The following SLC1A2 variants were observed in gnomAD, a reference collection of about 807,000 sequenced individuals.
SLC1A2 encodes the protein excitatory amino acid transporter 2.
Under a neutral mutation model 48.8 loss-of-function variants are expected in SLC1A2, and 15 were observed. That is an observed-to-expected ratio of 0.31 (90% confidence interval 0.21 to 0.47). The LOEUF is 0.47. SLC1A2 is among the 20% of genes least tolerant of loss of function. The pLI, the probability that SLC1A2 is intolerant of heterozygous loss-of-function variation, is 0.99. For missense variants in SLC1A2, 502 were observed against 730.5 expected, an observed-to-expected ratio of 0.69 and a Z score of 3.61; for synonymous variants, 279 against 272.6, an observed-to-expected ratio of 1.02 and a Z score of -0.23.
intron 6 of SLC1A2, among the ~76,000 whole-genome samples, chr11:35,294,713 G>C (rs1449855193): frequency 2.0e-5 from 3 of 152,124 alleles, no homozygotes; most frequent in South Asian, 2.1e-4. Context: ...TGCTTTCAAG[G>C]CTCTTTGCCA....
Position 35,260,707 on chromosome 11 carries a change from T to C in SLC1A2, c.*187A>G. ...AATTAGACGGTTATAAAGCATTATTTGGCAAAGACACAGCACCGTGCCTGT... is the reference window on the plus strand; with the variant it reads ...AATTAGACGGTTATAAAGCATTATTCGGCAAAGACACAGCACCGTGCCTGT... On this transcript the variant is annotated 3_prime_UTR_variant, in exon 11 of 11. Coordinates refer to ENST00000278379, the MANE Select transcript of SLC1A2 (RefSeq NM_004171.4). 1.7e-6 allele frequency: 1 copy of C among 573,918 alleles called. No homozygotes were observed. The highest frequency in any genetic ancestry group is 3.1e-6 in the Non-Finnish European group (1 of 322,854). 35.6% of individuals were successfully genotyped at this position (573,918 alleles called of 1,614,324 possible).
intron 6 of SLC1A2, among the ~76,000 whole-genome samples, chr11:35,300,072 T>G (rs1326279343): frequency 6.6e-6 from 1 of 152,160 alleles, no homozygotes. Context: ...GCTTCCACAA[T>G]GAGAGAATAG....
upstream of SLC1A2, chr11:35,419,985 G>A: frequency 2.1e-6 from 1 of 467,652 alleles, no homozygotes; most frequent in South Asian, 1.6e-5. The surrounding 1 kb of genome is among the most constrained non-coding windows in gnomAD (Gnocchi z 5.4). Flanking sequence ...TCGAGCGGCT[G>A]AAACACGCGG....
intron 1 of SLC1A2, among the ~76,000 whole-genome samples, chr11:35,336,682 A>G (rs988256515): frequency 1.3e-5 from 2 of 152,204 alleles, no homozygotes; most frequent in Non-Finnish European, 2.9e-5. Context: ...CTAAACCTAC[A>G]TTGGCCCAAA....
chr11:35,314,934 C>A, intron 3 of SLC1A2, 89 bp downstream of exon 3: 1 of 907,626 alleles, frequency 1.1e-6, no homozygotes, highest in Admixed American at 1.9e-5. Context: ...CGATCACATT[C>A]ACTCAACCAA....
chr11:35,381,914 G>C (rs1010442092), intron 1 of SLC1A2, among the ~76,000 whole-genome samples: 2 of 152,166 alleles, frequency 1.3e-5, no homozygotes, highest in Non-Finnish European at 2.9e-5. Flanking sequence ...CTTCCACTGA[G>C]TGAAGTGACA....
rs926884492 is a variant in SLC1A2, at chr11:35,254,890, A to G, written c.*6004T>C. ...GTTGGAAAGTGAAGCAAGGCTGGACATAGAAAAAAACTGATCAGTAGTTAT... is the reference window on the plus strand; with the variant it reads ...GTTGGAAAGTGAAGCAAGGCTGGACGTAGAAAAAAACTGATCAGTAGTTAT... On this transcript the variant is annotated 3_prime_UTR_variant, in exon 11 of 11. Transcript: ENST00000278379. The G allele has an allele frequency of 1.2e-5, 5 of 434,436 alleles. No individual in the cohort carries two copies. The highest frequency in any genetic ancestry group is 1.8e-5 in the Non-Finnish European group (4 of 219,234). The allele number at this position is 434,436 out of a possible 1,614,324, so 26.9% of individuals were successfully genotyped here.
intron 1 of SLC1A2, chr11:35,418,550 G>C (rs1401570347): frequency 5.1e-6 from 1 of 196,004 alleles, no homozygotes; most frequent in African/African-American, 2.4e-5. Context: ...TTCCTTCCGA[G>C]CCGGCACCAC....
At chr11:35,408,752 T>A (rs1015833588) in intron 1 of SLC1A2, among the ~76,000 whole-genome samples, 73 of 152,216 alleles carry the variant, frequency 4.8e-4, no homozygotes, top group African/African-American at 1.5e-3. Flanking sequence ...GAATAGTGAA[T>A]CATTCACACT....
chr11:35,333,203 A>G (rs1852486273), intron 1 of SLC1A2, among the ~76,000 whole-genome samples: 1 of 152,186 alleles, frequency 6.6e-6, no homozygotes, highest in African/African-American at 2.4e-5. Context: ...ATCTGAGGTC[A>G]GGAGTTTGAG....
intron 1 of SLC1A2, among the ~76,000 whole-genome samples, chr11:35,389,442 T>C (rs1240859688): frequency 6.7e-6 from 1 of 149,944 alleles, no homozygotes; most frequent in Admixed American, 6.7e-5. Context: ...TTTCTTCTTC[T>C]TCTCCTTCTC....
chr11:35,293,362 A>G (rs1196512785), intron 6 of SLC1A2, among the ~76,000 whole-genome samples: 1 of 152,244 alleles, frequency 6.6e-6, no homozygotes, highest in East Asian at 1.9e-4. Context: ...GTGAATAATC[A>G]CAGCTCTTTG....
intron 1 of SLC1A2, chr11:35,322,468 G>T: frequency 1.4e-6 from 1 of 716,250 alleles, no homozygotes; most frequent in Non-Finnish European, 2.4e-6. Flanking sequence ...TCACTGATTT[G>T]ATGAGGTGGC....
At chr11:35,335,375 C>G (rs1852589208) in intron 1 of SLC1A2, among the ~76,000 whole-genome samples, 1 of 152,140 alleles carries the variant, frequency 6.6e-6, no homozygotes, top group South Asian at 2.1e-4. Context: ...CAAACTTCAG[C>G]CATAGCAACC....
intron 10 of SLC1A2, chr11:35,265,268 G>A: frequency 3.7e-6 from 2 of 539,290 alleles, no homozygotes; most frequent in Non-Finnish European, 3.2e-6. Context: ...GGTAGATAGG[G>A]GAACCCGAAT....
At chr11:35,392,779 G>A (rs1314942146) in intron 1 of SLC1A2, among the ~76,000 whole-genome samples, 2 of 152,226 alleles carry the variant, frequency 1.3e-5, no homozygotes. Context: ...AGATTCAGCA[G>A]TGCATGTGTA....
chr11:35,364,422 C>T (rs1194994662), intron 1 of SLC1A2, among the ~76,000 whole-genome samples: 1 of 152,228 alleles, frequency 6.6e-6, no homozygotes, highest in Non-Finnish European at 1.5e-5. Flanking sequence ...AAAGGGGCCT[C>T]AGTCAATAGT....
At chr11:35,384,271 T>C (rs1854520344) in intron 1 of SLC1A2, among the ~76,000 whole-genome samples, 1 of 152,200 alleles carries the variant, frequency 6.6e-6, no homozygotes. Context: ...GAAATGACTT[T>C]TTTAATGATA....
Position 35,297,249 on chromosome 11 carries a change from C to T in SLC1A2, c.857+4270G>A, listed in dbSNP as rs568720166. 1.3e-3 allele frequency among the ~76,000 whole-genome samples: 205 copies of T among 152,274 alleles called. 1 individual carries two copies. Among genetic ancestry groups the T allele is most frequent in the African/African-American group, 4.3e-3 (180 of 41,542 alleles). On this transcript the variant is annotated intron_variant, in intron 6 of 10. Coordinates refer to ENST00000278379, the MANE Select transcript of SLC1A2 (RefSeq NM_004171.4). ...ATCAGGTTCTTCATCCTCTCCTGGA[C>T]GATGTTTGGTCACCCTGTGGCCTTC...
Sources: allele counts gnomAD v4.1 joint callset (sites outside exome capture counted in the v4.1 genomes callset), GRCh38; gene constraint gnomAD v4.1.1; non-coding constraint Gnocchi (gnomAD v3.1); transcripts MANE v1.5; gene names NCBI Gene and HGNC (gene_info 2026-07-23, HGNC 2026-07-21).